Variants in ZC3H6 observed in about 807,000 individuals in gnomAD.
ZC3H6 encodes the protein zinc finger CCCH domain-containing protein 6.
A neutral mutation model predicts 107.7 loss-of-function variants in ZC3H6; 40 were observed. That is an observed-to-expected ratio of 0.37 (90% CI 0.29 to 0.48). The LOEUF (loss-of-function observed/expected upper bound fraction) is 0.48, where lower values mean the gene tolerates loss of function less well. ZC3H6 is among the 20% of genes least tolerant of loss of function. The probability of loss-of-function intolerance (pLI) is 0.98; values close to 1 mark genes in which losing one functional copy is unlikely to be tolerated. For missense variants in ZC3H6, 1,267 were observed against 1,410.4 expected (o/e 0.90, Z 1.63); for synonymous variants, 493 against 487.9 (o/e 1.01, Z -0.14).
chr2:112,303,916 T>A (rs185998022), intron 3 of ZC3H6, among the ~76,000 whole-genome samples: 108 of 152,306 alleles, frequency 7.1e-4, no homozygotes, highest in African/African-American at 2.5e-3. Flanking sequence ...GGTATATATT[T>A]AGGAGCAGAA....
At chr2:112,293,639 C>A (rs1676161013) in intron 1 of ZC3H6, among the ~76,000 whole-genome samples, 1 of 152,152 alleles carries the variant, frequency 6.6e-6, no homozygotes, top group Non-Finnish European at 1.5e-5. Context: ...ACAGTATTTT[C>A]CTTGAGGAGA....
chr2:112,292,288 A>G (rs186432778), intron 1 of ZC3H6, among the ~76,000 whole-genome samples: 10 of 152,246 alleles, frequency 6.6e-5, no homozygotes, highest in Admixed American at 5.2e-4. Context: ...ATTCACTGCT[A>G]TATGGCTTAT....
At chr2:112,306,174 CT>C (rs35102517) in intron 3 of ZC3H6, among the ~76,000 whole-genome samples, 109 of 136,848 alleles carry the variant, frequency 8.0e-4, no homozygotes, top group Admixed American at 1.1e-3. Context: ...GTCTGTATTT[CT>C]TTTTTTTTTT....
In ZC3H6 at chr2:112,325,214, T is replaced by C; in HGVS notation, c.2086+17T>C. 3.1e-6 allele frequency: 5 copies of C among 1,610,320 alleles called. No individual in the cohort carries two copies. Among genetic ancestry groups the C allele is most frequent in the South Asian group, 1.1e-5 (1 of 90,868 alleles). ...AGGAAGAAGGTGTGTCAGAAGTTATTAATAGCATCTTACCTATTTGGATGG... is the reference window on the plus strand; with the variant it reads ...AGGAAGAAGGTGTGTCAGAAGTTATCAATAGCATCTTACCTATTTGGATGG... On this transcript the variant is annotated intron_variant, in intron 11 of 11. Coordinates refer to ENST00000409871, the MANE Select transcript of ZC3H6 (RefSeq NM_198581.3).
At chr2:112,288,401 G>A (rs1163243857) in intron 1 of ZC3H6, among the ~76,000 whole-genome samples, 2 of 152,208 alleles carry the variant, frequency 1.3e-5, no homozygotes, top group African/African-American at 2.4e-5. Context: ...GAAGGGAAAG[G>A]AAGCTTTCGT....
Position 112,325,116 on chromosome 2 carries a change from T to C in ZC3H6, c.2005T>C (p.Phe669Leu). 6.2e-7 allele frequency: 1 copy of C among 1,614,046 alleles called. No homozygotes were observed. The highest frequency in any genetic ancestry group is 2.2e-5 in the East Asian group (1 of 44,886). Residue 669 changes from phenylalanine to leucine, a missense_variant, in exon 11 of 12, where the codon TTT becomes CTT. Physicochemically the swap from Phe to Leu is conservative, Grantham distance 22 (BLOSUM62 0). This residue lies in a region of ZC3H6 where 925 missense variants were observed against 1,025.7 expected (regional missense o/e 0.90). Coordinates refer to ENST00000409871, the MANE Select transcript of ZC3H6 (RefSeq NM_198581.3). ...GLLPAVQRAL[F>L]VRLTQRYQED... Reference sequence around the variant, plus strand: ...CCTCCCTGCAGTGCAAAGAGCTCTTTTTGTAAGACTTACTCAGAGATACCA... The same window carrying C: ...CCTCCCTGCAGTGCAAAGAGCTCTTCTTGTAAGACTTACTCAGAGATACCA...
Position 112,322,790 on chromosome 2 carries a change from G to T in ZC3H6, c.1228G>T (p.Asp410Tyr), listed in dbSNP as rs372028815. 1.3e-4 allele frequency: 207 copies of T among 1,613,726 alleles called. No individual in the cohort carries two copies. The highest frequency in any genetic ancestry group is 1.6e-4 in the Non-Finnish European group (194 of 1,179,886). Residue 410 changes from aspartate (D) to tyrosine (Y), a missense_variant, in exon 9 of 12, where the codon GAT becomes TAT. By Grantham distance (160) the Asp-to-Tyr change is radical. This residue lies in a region of ZC3H6 where 925 missense variants were observed against 1,025.7 expected (regional missense o/e 0.90). Coordinates refer to ENST00000409871, the MANE Select transcript of ZC3H6 (RefSeq NM_198581.3). ...CCCTCCAGAGCATTTTCCCTTTTCT[G>T]ATCCTGAAGACGATTTTCAGACAGA... ...PTPPEHFPFS[D>Y]PEDDFQTDFS...
Position 112,275,672 on chromosome 2 carries a change from A to T in ZC3H6, c.-323A>T. On this transcript the variant is annotated 5_prime_UTR_variant, in exon 1 of 12. Coordinates refer to ENST00000409871, the MANE Select transcript of ZC3H6 (RefSeq NM_198581.3). ...AATCACCGTTACGGCCACTGTCCAA[A>T]TCCCCGCGTCGCTGCACGCCGCCCG... 4.8e-6 allele frequency: 2 copies of T among 414,902 alleles called. No individual in the cohort carries two copies. Among genetic ancestry groups the T allele is most frequent in the Non-Finnish European group, 8.5e-6 (2 of 234,378 alleles). 25.7% of individuals were successfully genotyped at this position (414,902 alleles called of 1,614,324 possible).
At position 112,303,268 on chromosome 2, in the gene ZC3H6, C is replaced by T. The variant is rs2104707475; in HGVS notation, c.253C>T (p.Leu85Phe). 1.2e-6 allele frequency: 2 copies of T among 1,612,448 alleles called. No homozygotes were observed. The highest frequency in any genetic ancestry group is 2.2e-5 in the South Asian group (2 of 90,970). Residue 85 changes from leucine (L) to phenylalanine (F), a missense_variant, in exon 3 of 12, where the codon CTT (leucine) becomes TTT (phenylalanine). Transcript: ENST00000409871. ...PSSDDSSDYS[L>F]DSDVEHTESS... ...TAGTGATGATAGTTCGGACTACAGC[C>T]TTGATTCAGATGTTGAACATACAGA...
intron 1 of ZC3H6, among the ~76,000 whole-genome samples, chr2:112,298,155 A>T (rs1168473341): frequency 2.4e-5 from 2 of 83,160 alleles, no homozygotes; most frequent in Admixed American, 1.1e-4. Flanking sequence ...ATTGCTTTTT[A>T]AAAAATTTAT....
At chr2:112,298,233 T>G (rs1293830901) in intron 1 of ZC3H6, among the ~76,000 whole-genome samples, 1 of 152,124 alleles carries the variant, frequency 6.6e-6, no homozygotes, top group Admixed American at 6.5e-5. Context: ...ATAAAATGTT[T>G]TACACAGATA....
chr2:112,322,749 T>A lies in ZC3H6; in HGVS notation c.1187T>A (p.Val396Asp), dbSNP rs776402468. Residue 396 changes from valine (V) to aspartate (D), a missense_variant, in exon 9 of 12, where the codon GTT (valine) becomes GAT (aspartate). By Grantham distance (152) the Val-to-Asp change is radical. This residue lies in a region of ZC3H6 where 925 missense variants were observed against 1,025.7 expected (regional missense o/e 0.90). Transcript: ENST00000409871. ...ITPLPKPPPG[V>D]GLLPTPPEHF... is the part of the protein sequence containing the mutation. ...CCTCTTCCCAAACCACCTCCAGGGG[T>A]TGGGCTTCTGCCAACCCCTCCAGAG... The A allele has an allele frequency of 6.2e-7, 1 of 1,613,208 alleles. No individual in the cohort carries two copies. Among genetic ancestry groups the A allele is most frequent in the East Asian group, 2.2e-5 (1 of 44,862 alleles).
intron 7 of ZC3H6, among the ~76,000 whole-genome samples, chr2:112,317,534 G>T (rs1014525538): frequency 2.6e-5 from 4 of 152,090 alleles, no homozygotes; most frequent in Admixed American, 2.6e-4. Context: ...TGAGATAACT[G>T]CCCTTTGGAA....
chr2:112,324,469 C>G lies in ZC3H6; in HGVS notation c.1658C>G (p.Ser553Cys). 8 of 1,613,882 alleles carry G rather than the reference C, an allele frequency of 5.0e-6. No individual in the cohort carries two copies. Among genetic ancestry groups the G allele is most frequent in the Non-Finnish European group, 6.8e-6 (8 of 1,179,836 alleles). The change falls in exon 10 of 12, where the codon TCC (serine) becomes TGC (cysteine). Residue 553 changes from serine to cysteine, a missense_variant. Around this residue, in one of 3 missense-constraint regions of ZC3H6, gnomAD observed 925 missense variants for 1,025.7 expected, o/e 0.90. Coordinates refer to ENST00000409871, the MANE Select transcript of ZC3H6 (RefSeq NM_198581.3). ...CCAAGTATGGGTGGGGCTTACCACT[C>G]CCCAGGCTTTCCAGGACATGTGATG... ...TPPSMGGAYH[S>C]PGFPGHVMKV...
intron 5 of ZC3H6, among the ~76,000 whole-genome samples, chr2:112,314,001 A>T (rs545771781): frequency 4.6e-5 from 7 of 152,244 alleles, no homozygotes; most frequent in African/African-American, 1.7e-4. Context: ...TACCTATTAC[A>T]TTTTTTTGTA....
chr2:112,321,876 T>G lies in ZC3H6; in HGVS notation c.1086+11T>G, dbSNP rs763863826. On this transcript the variant is annotated intron_variant, in intron 8 of 11. Coordinates refer to ENST00000409871, the MANE Select transcript of ZC3H6 (RefSeq NM_198581.3). ...AAACTTTTGGACAAAGTGAGTAATA[T>G]TTTTGTACCTTGATTATGTCTCTCC... 7 of 1,293,674 alleles carry G rather than the reference T, an allele frequency of 5.4e-6. No individual in the cohort carries two copies. The African/African-American group carries it at 1.1e-4, about 20-fold the overall frequency. The allele number at this position is 1,293,674 out of a possible 1,614,324, so 80.1% of individuals were successfully genotyped here.
In ZC3H6 at chr2:112,321,845, A is replaced by G; in HGVS notation, c.1066A>G (p.Thr356Ala). Residue 356 changes from threonine to alanine, a missense_variant, in exon 8 of 12, where the codon ACA becomes GCA. Thr to Ala is a moderately conservative substitution (Grantham distance 58). Transcript: ENST00000409871. Reference protein sequence around the residue: ...KFSHDDLTKETKKLLDKVLNT... With the variant: ...KFSHDDLTKEAKKLLDKVLNT... ...TTCCCATGATGATCTAACTAAAGAA[A>G]CAAAGAAACTTTTGGACAAAGTGAG... The G allele has an allele frequency of 6.6e-7, 1 of 1,518,312 alleles. No homozygotes were observed. 94.1% of individuals were successfully genotyped at this position (1,518,312 alleles called of 1,614,324 possible). A position where few individuals can be genotyped will look rare whatever the true frequency, so the allele number is the denominator to read the frequency against.
intron 9 of ZC3H6, 99 bp from the exon 10 acceptor site, chr2:112,324,053 T>A: frequency 7.7e-7 from 1 of 1,307,050 alleles, no homozygotes; most frequent in South Asian, 1.6e-5. Context: ...TCTATTCTGA[T>A]GTAAAAAAAG....
chr2:112,277,780 G>GTT (rs35110200), intron 1 of ZC3H6, among the ~76,000 whole-genome samples: 6 of 148,910 alleles, frequency 4.0e-5, no homozygotes, highest in Non-Finnish European at 9.0e-5. Context: ...GAAGGAGATG[G>GTT]TTTTTTTTTT....
Sources: gnomAD v4.1 joint callset for allele counts (sites outside exome capture counted in the v4.1 genomes callset) on GRCh38, gnomAD v4.1.1 for gene constraint, gnomAD v4.1.1 regional missense constraint, MANE v1.5 for transcripts, NCBI Gene and HGNC (gene_info 2026-07-23, HGNC 2026-07-21) for gene names.